Variants in TENM2 observed in about 807,000 individuals in gnomAD.
TENM2 encodes the protein teneurin transmembrane protein 2, also known as teneurin-2.
In TENM2, 52 loss-of-function variants were observed where a neutral mutation model predicts 245.2. The observed-to-expected ratio is 0.21, with a 90% CI of 0.17 to 0.27. The LOEUF is 0.27. TENM2 is among the 10% of genes least tolerant of loss of function. The pLI is 1.00. For missense variants in TENM2, 3,046 were observed against 3,666.8 expected (o/e 0.83, Z 4.37); for synonymous variants, 1,363 against 1,438.9 (o/e 0.95, Z 1.19).
exon 21 of TENM2, chr5:168,215,250 T>G: frequency 2.5e-6 from 4 of 1,613,836 alleles, no homozygotes; most frequent in Non-Finnish European, 3.4e-6. Flanking sequence ...AGGCCATAGA[T>G]GCAACCCTGA....
intron 2 of TENM2, among the ~76,000 whole-genome samples, chr5:167,571,783 T>C (rs1774281252): frequency 6.6e-6 from 1 of 152,242 alleles, no homozygotes; most frequent in Non-Finnish European, 1.5e-5. Context: ...AGTTGCATCC[T>C]TGTAACTGGG....
chr5:167,766,591 G>A (rs935001485), intron 2 of TENM2, among the ~76,000 whole-genome samples: 23 of 152,116 alleles, frequency 1.5e-4, no homozygotes, highest in African/African-American at 4.3e-4. Flanking sequence ...AAAGTAGAAC[G>A]CTTGGCCAGG....
chr5:167,460,184 G>A (rs959356724), intron 2 of TENM2, among the ~76,000 whole-genome samples: 2 of 152,122 alleles, frequency 1.3e-5, no homozygotes, highest in Non-Finnish European at 2.9e-5. Context: ...GCCACATCTA[G>A]CCTGAAATTT....
chr5:167,466,889 A>C (rs1766693311), intron 2 of TENM2, among the ~76,000 whole-genome samples: 1 of 152,178 alleles, frequency 6.6e-6, no homozygotes, highest in South Asian at 2.1e-4. Context: ...CTGCACAGTG[A>C]TTCACCTGAA....
intron 9 of TENM2, among the ~76,000 whole-genome samples, chr5:168,115,408 G>GGAAGGAAGGAAGGAAGGAAGGAA (rs1458782856): frequency 8.1e-5 from 10 of 122,970 alleles, no homozygotes; most frequent in East Asian, 5.3e-4. Flanking sequence ...AAGGAAGGAA[G>GGAAGGAAGGAAGGAAGGAAGGAA]GGAAAGGAAA....
At chr5:167,339,719 G>A (rs1028841729) in intron 1 of TENM2, among the ~76,000 whole-genome samples, 1 of 152,008 alleles carries the variant, frequency 6.6e-6, no homozygotes, top group Non-Finnish European at 1.5e-5. Context: ...CAGTGCAAAA[G>A]TGTGGGGACT....
At chr5:167,985,655 AATT>A (rs967932063) in intron 4 of TENM2, among the ~76,000 whole-genome samples, 66 of 152,312 alleles carry the variant, frequency 4.3e-4, no homozygotes, top group African/African-American at 1.5e-3. Context: ...GAGGCAGCAC[AATT>A]ATTTGTATAG....
the TENM2 span, among the ~76,000 whole-genome samples, chr5:167,025,960 G>A: frequency 6.6e-6 from 1 of 152,050 alleles, no homozygotes; most frequent in African/African-American, 2.4e-5. Context: ...TTTCATGTCT[G>A]TACACCTTTG....
At chr5:167,716,602 C>T (rs1439901187) in intron 2 of TENM2, among the ~76,000 whole-genome samples, 1 of 152,126 alleles carries the variant, frequency 6.6e-6, no homozygotes, top group Non-Finnish European at 1.5e-5. Flanking sequence ...AAAAAAGTTG[C>T]ATTTTATTTG....
chr5:168,218,405 C>G lies in TENM2; in HGVS notation c.4514C>G (p.Thr1505Arg), dbSNP rs1308850565. The change falls in exon 23 of 29, where the codon ACA becomes AGA. Residue 1505 changes from threonine to arginine, a missense_variant. Transcript: ENST00000518659. This position sits in a 1 kb window ranked among gnomAD's most constrained non-coding sequence, Gnocchi z 5.2. ...AAGATTAACCGTCTACGCCAGGTAA[C>G]AACCAACGGGGAGATCTGCCTTTTA... 6.2e-7 allele frequency: 1 copy of G among 1,614,070 alleles called. No individual in the cohort carries two copies. Among genetic ancestry groups the G allele is most frequent in the Admixed American group, 1.7e-5 (1 of 60,036 alleles).
rs145365493 is a variant in TENM2, at chr5:167,979,345, A to G, written c.948-13599A>G. On this transcript the variant is annotated intron_variant, in intron 4 of 28. Coordinates refer to ENST00000518659, the Ensembl canonical transcript of TENM2. ...GAGAAAAATGCACCATGAAATCTCC[A>G]TGTTTGCAGAGATACCAAACCTAGG... 5.9e-5 allele frequency among the ~76,000 whole-genome samples: 9 copies of G among 152,270 alleles called. No homozygotes were observed. The East Asian group carries it at 1.4e-3, about 23-fold the overall frequency.
the TENM2 span, among the ~76,000 whole-genome samples, chr5:167,020,516 G>A: frequency 1.7e-4 from 26 of 152,282 alleles, no homozygotes; most frequent in Middle Eastern, 3.4e-3. Context: ...TTCTAAAGTG[G>A]GGTGAAAGGT....
At chr5:167,517,457 T>G (rs1349576481) in intron 2 of TENM2, among the ~76,000 whole-genome samples, 3 of 152,084 alleles carry the variant, frequency 2.0e-5, no homozygotes, top group Non-Finnish European at 2.9e-5. Context: ...CTCAGAAGGG[T>G]GAAATTCCTT....
In TENM2 at chr5:167,644,214, G is replaced by A. The variant is rs536512211; in HGVS notation, c.503-231772G>A. On this transcript the variant is annotated intron_variant, in intron 2 of 28. Coordinates refer to ENST00000518659, the Ensembl canonical transcript of TENM2. ...CCAGTACACATGTTGAATAAAAATG[G>A]GTCCTATAAAGTTTATTAACTAAGC... 1.4e-4 allele frequency among the ~76,000 whole-genome samples: 21 copies of A among 152,182 alleles called. 1 individual carries two copies. In the South Asian group the frequency reaches 4.1e-3, roughly 30 times the overall value.
At chr5:167,426,236 C>G (rs1415607294) in intron 2 of TENM2, among the ~76,000 whole-genome samples, 2 of 152,126 alleles carry the variant, frequency 1.3e-5, no homozygotes, top group South Asian at 4.2e-4. Context: ...ATGAGCCATG[C>G]AATATAAAAT....
rs79545060 is a variant in TENM2, at chr5:167,890,919, C to A, written c.712+14724C>A. ...TACCTATTTAAATCCCCACTACAAC[C>A]ATCTGGTGAGGAAGATGTAGAAGGT... On this transcript the variant is annotated intron_variant, in intron 3 of 28. Transcript: ENST00000518659. Among the ~76,000 whole-genome samples, 230 of 152,266 alleles carry A rather than the reference C, an allele frequency of 1.5e-3. 7 individuals are homozygous for A. In the East Asian group the frequency reaches 0.037, roughly 24 times the overall value.
chr5:167,146,649 C>T, the TENM2 span, among the ~76,000 whole-genome samples: 1 of 152,148 alleles, frequency 6.6e-6, no homozygotes, highest in Non-Finnish European at 1.5e-5. Context: ...CAGAGTCCAG[C>T]TTGACTGCCT....
chr5:167,813,319 G>A (rs1766782010), intron 2 of TENM2, among the ~76,000 whole-genome samples: 1 of 152,000 alleles, frequency 6.6e-6, no homozygotes, highest in Non-Finnish European at 1.5e-5. Flanking sequence ...TTCAGAGGAA[G>A]GGGAAATATT....
chr5:167,625,291 G>C (rs533819179), intron 2 of TENM2, among the ~76,000 whole-genome samples: 1 of 152,096 alleles, frequency 6.6e-6, no homozygotes, highest in Non-Finnish European at 1.5e-5. Flanking sequence ...ATGTGTGATC[G>C]TGTGGCATTG....
Sources: gnomAD v4.1 joint callset for allele counts (sites outside exome capture counted in the v4.1 genomes callset) on GRCh38, gnomAD v4.1.1 for gene constraint, Gnocchi (gnomAD v3.1) non-coding constraint, MANE v1.5 for transcripts, NCBI Gene and HGNC (gene_info 2026-07-23, HGNC 2026-07-21) for gene names.